Variants in RNGTT observed in about 807,000 individuals in gnomAD.
RNGTT encodes mRNA-capping enzyme.
In RNGTT, 33 loss-of-function variants were observed where a neutral mutation model predicts 79.3. The observed-to-expected ratio is 0.42, with a 90% CI of 0.32 to 0.56. The LOEUF (loss-of-function observed/expected upper bound fraction) is 0.56. Among genes scored for constraint, RNGTT ranks in the 20% least tolerant of loss-of-function variants. The probability of loss-of-function intolerance (pLI) is 0.17; values close to 1 mark genes in which losing one functional copy is unlikely to be tolerated. For synonymous variants in RNGTT, 222 were observed against 235.9 expected (o/e 0.94, Z 0.54); for missense variants, 497 against 739.1 (o/e 0.67, Z 3.80).
chr6:88,907,735 C>CT (rs34378893), intron 4 of RNGTT, among the ~76,000 whole-genome samples: 5,291 of 125,404 alleles, frequency 0.042, 183 homozygotes, highest in Non-Finnish European at 0.056. Flanking sequence ...TAAGCTGTAT[C>CT]TTTTTTTTTT....
In RNGTT at chr6:88,610,329, G is replaced by T. The variant is rs1407817450; in HGVS notation, c.*2390C>A. 1 of 152,646 alleles carries T rather than the reference G, an allele frequency of 6.6e-6. No homozygotes were observed. The highest frequency in any genetic ancestry group is 1.9e-4 in the East Asian group (1 of 5,198). 9.5% of individuals were successfully genotyped at this position (152,646 alleles called of 1,614,324 possible). A position where few individuals can be genotyped will look rare whatever the true frequency, so the allele number is the denominator to read the frequency against. Reference sequence around the variant, plus strand: ...ACTGACACACAATTGGAAAAGGAATGTCCTGACATTTTCTGAGCATTTCAC... The same window carrying T: ...ACTGACACACAATTGGAAAAGGAATTTCCTGACATTTTCTGAGCATTTCAC... On this transcript the variant is annotated 3_prime_UTR_variant, in exon 16 of 16. Coordinates refer to ENST00000369485, the MANE Select transcript of RNGTT (RefSeq NM_003800.5).
At chr6:88,916,861 T>G (rs1784016334) in intron 4 of RNGTT, among the ~76,000 whole-genome samples, 2 of 152,360 alleles carry the variant, frequency 1.3e-5, no homozygotes, top group Admixed American at 1.3e-4. Flanking sequence ...CTCTAAGATT[T>G]CTAGTTTATC....
chr6:88,920,392 G>GA (rs1784128673), intron 4 of RNGTT, among the ~76,000 whole-genome samples: 1 of 151,840 alleles, frequency 6.6e-6, no homozygotes, highest in South Asian at 2.1e-4. Context: ...TTGTTGTTTT[G>GA]AAAAAAGCAG....
At chr6:88,871,879 C>A (rs1198655296) in intron 8 of RNGTT, among the ~76,000 whole-genome samples, 3 of 152,058 alleles carry the variant, frequency 2.0e-5, no homozygotes, top group Admixed American at 2.0e-4. Flanking sequence ...TTTATGGCCA[C>A]GAAGAAGATG....
chr6:88,839,764 T>A (rs932069797), intron 11 of RNGTT, among the ~76,000 whole-genome samples: 10 of 152,220 alleles, frequency 6.6e-5, no homozygotes, highest in African/African-American at 2.4e-4. Context: ...TAGTCATATA[T>A]AGTCTGTTCA....
intron 4 of RNGTT, among the ~76,000 whole-genome samples, chr6:88,922,375 G>A (rs1214031556): frequency 1.3e-5 from 2 of 152,038 alleles, no homozygotes; most frequent in African/African-American, 4.8e-5. Context: ...TCACAGACAT[G>A]TCATGTCACT....
chr6:88,916,685 G>A (rs1044464547), intron 4 of RNGTT, among the ~76,000 whole-genome samples: 1 of 152,054 alleles, frequency 6.6e-6, no homozygotes, highest in African/African-American at 2.4e-5. Context: ...TTATACATTT[G>A]ATACATTTAA....
At chr6:88,817,244 T>C (rs1436489595) in intron 11 of RNGTT, among the ~76,000 whole-genome samples, 2 of 152,240 alleles carry the variant, frequency 1.3e-5, no homozygotes, top group South Asian at 2.1e-4. Flanking sequence ...ACCATATATC[T>C]GGACTAAGTA....
chr6:88,827,002 T>C (rs181785769), intron 11 of RNGTT, among the ~76,000 whole-genome samples: 1 of 151,840 alleles, frequency 6.6e-6, no homozygotes, highest in African/African-American at 2.4e-5. Flanking sequence ...TATTTCACTT[T>C]AAAATTCTAA....
At chr6:88,768,220 C>T (rs1057421890) in intron 13 of RNGTT, among the ~76,000 whole-genome samples, 1 of 151,552 alleles carries the variant, frequency 6.6e-6, no homozygotes, top group Non-Finnish European at 1.5e-5. Context: ...AGCAATCCTG[C>T]CACCTCAGCC....
intron 10 of RNGTT, among the ~76,000 whole-genome samples, chr6:88,847,693 G>A (rs1781530109): frequency 6.6e-6 from 1 of 151,886 alleles, no homozygotes; most frequent in Non-Finnish European, 1.5e-5. Context: ...ATCATTTTTA[G>A]AATAAAATAT....
In RNGTT at chr6:88,712,120, G is replaced by C. The variant is rs549414341; in HGVS notation, c.1440-33701C>G. Among the ~76,000 whole-genome samples the C allele has an allele frequency of 7.2e-5, 11 of 152,248 alleles. No homozygotes were observed. The South Asian group carries it at 2.3e-3, about 32-fold the overall frequency. On this transcript the variant is annotated intron_variant, in intron 13 of 15. Transcript: ENST00000369485. Reference sequence around the variant, plus strand: ...CACATGTTGATCTTTCCTTTAGGGGGATAAATTTAATCTAAAATATGTACT... The same window carrying C: ...CACATGTTGATCTTTCCTTTAGGGGCATAAATTTAATCTAAAATATGTACT...
chr6:88,658,585 T>C (rs1209816434), intron 14 of RNGTT, among the ~76,000 whole-genome samples: 1 of 152,174 alleles, frequency 6.6e-6, no homozygotes, highest in East Asian at 1.9e-4. Context: ...TTGATTGGAT[T>C]GAAGGATGCA....
chr6:88,942,294 CT>C (rs1362917549), intron 1 of RNGTT, among the ~76,000 whole-genome samples: 1 of 152,020 alleles, frequency 6.6e-6, no homozygotes, highest in South Asian at 2.1e-4. Context: ...TTTTTTTGAC[CT>C]TTTTTTCTGA....
At chr6:88,664,537 C>T (rs954596759) in intron 14 of RNGTT, among the ~76,000 whole-genome samples, 1 of 152,172 alleles carries the variant, frequency 6.6e-6, no homozygotes, top group Non-Finnish European at 1.5e-5. Context: ...GAAATGCTGA[C>T]CTACTAGCTG....
intron 1 of RNGTT, among the ~76,000 whole-genome samples, chr6:88,949,158 T>TAAAAAAAA (rs1491197999): frequency 2.2e-4 from 4 of 18,006 alleles, no homozygotes; most frequent in African/African-American, 7.9e-4. Flanking sequence ...TAAAATAAAA[T>TAAAAAAAA]GAAAAAAAAA....
intron 8 of RNGTT, among the ~76,000 whole-genome samples, chr6:88,882,013 C>G (rs1194891904): frequency 9.9e-5 from 15 of 152,118 alleles, no homozygotes. Context: ...TTTCTCCCAC[C>G]TCCCCTACTC....
intron 13 of RNGTT, among the ~76,000 whole-genome samples, chr6:88,716,040 T>C (rs1047065135): frequency 2.0e-5 from 3 of 151,506 alleles, no homozygotes; most frequent in Non-Finnish European, 4.4e-5. Flanking sequence ...ACCTACAAAA[T>C]GGGAGAAAAT....
At chr6:88,858,547 T>A (rs1188583111) in intron 8 of RNGTT, among the ~76,000 whole-genome samples, 1 of 152,208 alleles carries the variant, frequency 6.6e-6, no homozygotes, top group Admixed American at 6.5e-5. Flanking sequence ...GCAATTACTA[T>A]GTTCTGAAGA....
Sources: gnomAD v4.1 joint callset for allele counts (sites outside exome capture counted in the v4.1 genomes callset) on GRCh38, gnomAD v4.1.1 for gene constraint, MANE v1.5 for transcripts, NCBI Gene and HGNC (gene_info 2026-07-23, HGNC 2026-07-21) for gene names.